The following MPPE1 variants were observed in gnomAD, a reference collection of about 807,000 sequenced individuals.
The protein encoded by MPPE1 is metallo phosphoesterase.
MPPE1 carries 28 observed loss-of-function variants against 43.8 expected under a neutral mutation model. That is an observed-to-expected ratio of 0.64 (90% CI 0.47 to 0.88). MPPE1 has a LOEUF of 0.88. Among genes scored for constraint, MPPE1 ranks in the 40% least tolerant of loss-of-function variants. MPPE1 has a pLI of 0.00. For missense variants in MPPE1, 428 were observed against 492.2 expected, an observed-to-expected ratio of 0.87 and a Z score of 1.23; for synonymous variants, 159 against 188.5, an observed-to-expected ratio of 0.84 and a Z score of 1.28.
intron 1 of MPPE1, among the ~76,000 whole-genome samples, chr18:11,906,991 T>A (rs1213475053): frequency 2.6e-5 from 4 of 152,176 alleles, no homozygotes; most frequent in Non-Finnish European, 5.9e-5. Context: ...ACCATCTGCA[T>A]GGACCCCACC....
At chr18:11,901,223 T>A (rs2143108284) in intron 2 of MPPE1, among the ~76,000 whole-genome samples, 1 of 152,044 alleles carries the variant, frequency 6.6e-6, no homozygotes, top group Non-Finnish European at 1.5e-5. Context: ...TCTTGATTTA[T>A]TTATTTATTT....
chr18:11,889,481 C>A lies in MPPE1; in HGVS notation c.400G>T (p.Asp134Tyr), dbSNP rs752631612. The A allele has an allele frequency of 6.2e-7, 1 of 1,612,346 alleles. No individual in the cohort carries two copies. The highest frequency in any genetic ancestry group is 8.5e-7 in the Non-Finnish European group (1 of 1,179,084). ...ATTTTCTGAAACCGCTCCACATCAT[C>A]CGCCCAGGCCTGAGGGAAAAAGAAT... is the stretch of plus-strand genomic sequence containing the variant. ...GKWSTPEAWADDVERFQKMFR... is the reference protein window; with the variant it reads ...GKWSTPEAWAYDVERFQKMFR... Residue 134 changes from aspartate (D) to tyrosine (Y), a missense_variant, in exon 5 of 11, where the codon GAT (aspartate) becomes TAT (tyrosine). By Grantham distance (160) the Asp-to-Tyr change is radical. Around this residue, in one of 3 missense-constraint regions of MPPE1, gnomAD observed 379 missense variants for 402.5 expected, o/e 0.94. Coordinates refer to ENST00000588072, the MANE Select transcript of MPPE1 (RefSeq NM_023075.6).
chr18:11,888,986 A>C (rs2037658684), intron 5 of MPPE1, among the ~76,000 whole-genome samples: 1 of 152,220 alleles, frequency 6.6e-6, no homozygotes. Context: ...TAGGTAAAAC[A>C]ACAGGACCAT....
At chr18:11,903,193 A>G (rs2039365801) in intron 2 of MPPE1, among the ~76,000 whole-genome samples, 1 of 152,160 alleles carries the variant, frequency 6.6e-6, no homozygotes, top group East Asian at 1.9e-4. Context: ...AGCGCCAAGG[A>G]GAGACAATCT....
intron 1 of MPPE1, among the ~76,000 whole-genome samples, chr18:11,906,772 T>C (rs1021491871): frequency 3.3e-5 from 5 of 149,420 alleles, no homozygotes; most frequent in African/African-American, 1.2e-4. Context: ...GAGAATCGCT[T>C]GAATGCGGGA....
intron 2 of MPPE1, among the ~76,000 whole-genome samples, chr18:11,900,734 C>T (rs186821128): frequency 0.034 from 5,176 of 151,388 alleles, 166 homozygotes; most frequent in African/African-American, 0.089. Context: ...GGTGAAACCC[C>T]ATCTCTACTA....
intron 2 of MPPE1, among the ~76,000 whole-genome samples, chr18:11,903,973 C>T (rs987383405): frequency 5.3e-5 from 8 of 152,310 alleles, no homozygotes; most frequent in Admixed American, 1.3e-4. Context: ...CTGCCTTATG[C>T]CCCTCAGTGG....
intron 3 of MPPE1, 90 bp downstream of exon 3, chr18:11,896,894 T>G: frequency 8.6e-7 from 1 of 1,168,458 alleles, no homozygotes. Flanking sequence ...TAACTAAGAG[T>G]AACCTAAAGC....
At position 11,893,625 on chromosome 18, in the gene MPPE1, A is replaced by C. The variant is rs144361932; in HGVS notation, c.282-49T>G. 4.7e-5 allele frequency: 69 copies of C among 1,461,612 alleles called. No homozygotes were observed. The East Asian group carries it at 1.5e-3, about 33-fold the overall frequency. The allele number at this position is 1,461,612 out of a possible 1,614,324, so 90.5% of individuals were successfully genotyped here. On this transcript the variant is annotated intron_variant, in intron 3 of 10. Transcript: ENST00000588072. ...AGGCATCAGTCTCTTTCCTAGGTGG[A>C]GGCTACTTCTGTATTATGCACCATT...
At chr18:11,903,752 A>G (rs560851065) in intron 2 of MPPE1, among the ~76,000 whole-genome samples, 23 of 152,214 alleles carry the variant, frequency 1.5e-4, no homozygotes, top group African/African-American at 2.6e-4. Flanking sequence ...CTTGCAGTGA[A>G]CCGAGATCGC....
Position 11,889,587 on chromosome 18 carries a change from C to T in MPPE1, c.391-97G>A, listed in dbSNP as rs912362305. 3.3e-4 allele frequency: 276 copies of T among 842,158 alleles called. 1 individual carries two copies. Among genetic ancestry groups the T allele is most frequent in the Non-Finnish European group, 6.4e-5 (35 of 545,782 alleles). The allele number at this position is 842,158 out of a possible 1,614,324, so 52.2% of individuals were successfully genotyped here. ...TATTTTGTTTTGCTTTTTTTTGAGA[C>T]GAGTCTGGCTCTGTCTCCAGGCTGA... On this transcript the variant is annotated intron_variant, in intron 4 of 10. Coordinates refer to ENST00000588072, the MANE Select transcript of MPPE1 (RefSeq NM_023075.6).
At position 11,900,709 on chromosome 18, in the gene MPPE1, C is replaced by T. The variant is rs139437679; in HGVS notation, c.-92-3353G>A. 5.0e-3 allele frequency among the ~76,000 whole-genome samples: 763 copies of T among 151,848 alleles called. 3 individuals are homozygous for T. The highest frequency in any genetic ancestry group is 0.019 in the East Asian group (97 of 5,148). On this transcript the variant is annotated intron_variant, in intron 2 of 10. Coordinates refer to ENST00000588072, the MANE Select transcript of MPPE1 (RefSeq NM_023075.6). ...GATCACGAGGTCAGGAGATCGAGAC[C>T]ATCCTGGCTAACACGGTGAAACCCC...
rs640519 is a variant in MPPE1, at chr18:11,882,677, C to T, written c.*1768G>A. On this transcript the variant is annotated 3_prime_UTR_variant, in exon 11 of 11. Transcript: ENST00000588072. ...CTCCAGCCTGGACATCAAAGTGAGA[C>T]TCAGGCCAAAAAAAAAAAAAAAAAA... 1 of 136,096 alleles carries T rather than the reference C, an allele frequency of 7.3e-6. No homozygotes were observed. The highest frequency in any genetic ancestry group is 2.9e-5 in the African/African-American group (1 of 34,922). The allele number at this position is 136,096 out of a possible 1,614,324, so 8.4% of individuals were successfully genotyped here.
In MPPE1 at chr18:11,905,165, A is replaced by T. The variant is rs559850729; in HGVS notation, c.-93+1038T>A. On this transcript the variant is annotated intron_variant, in intron 2 of 10. Coordinates refer to ENST00000588072, the MANE Select transcript of MPPE1 (RefSeq NM_023075.6). ...CTACTAAAAATACAAAAATTAGCCT[A>T]GTGTAGTAGTGCACACCTGTAATCC... 32 of 151,900 alleles carry T rather than the reference A, an allele frequency of 2.1e-4. 1 individual carries two copies. Among genetic ancestry groups the T allele is most frequent in the African/African-American group, 7.7e-4 (32 of 41,432 alleles). 9.4% of individuals were successfully genotyped at this position (151,900 alleles called of 1,614,324 possible). A position where few individuals can be genotyped will look rare whatever the true frequency, so the allele number is the denominator to read the frequency against.
chr18:11,896,095 CTTTTTTT>C (rs1178920790), intron 3 of MPPE1, among the ~76,000 whole-genome samples: 2,979 of 80,500 alleles, frequency 0.037, 73 homozygotes, highest in East Asian at 0.12. Flanking sequence ...ATTCTTTATT[CTTTTTTT>C]TTTTTTTTTT....
At position 11,886,021 on chromosome 18, in the gene MPPE1, C is replaced by T. The variant is rs2037180446; in HGVS notation, c.868-205G>A. 2.5e-6 allele frequency: 1 copy of T among 393,692 alleles called. No homozygotes were observed. Among genetic ancestry groups the T allele is most frequent in the African/African-American group, 2.1e-5 (1 of 48,584 alleles). 24.4% of individuals were successfully genotyped at this position (393,692 alleles called of 1,614,324 possible). ...AAAGGTAAGGTCAGCCCTTTGTTCT[C>T]ATCCCAGATTTTATATACTTTTTAC... On this transcript the variant is annotated intron_variant, in intron 9 of 10. Transcript: ENST00000588072. This position sits in a 1 kb window ranked among gnomAD's most constrained non-coding sequence, Gnocchi z 4.1.
chr18:11,885,960 T>C (rs1252162393), intron 9 of MPPE1, 144 bp from the exon 10 acceptor site: 1 of 850,714 alleles, frequency 1.2e-6, no homozygotes, highest in Non-Finnish European at 1.6e-6. Context: ...GTTTATTTTT[T>C]TCCTTAAAAA....
At chr18:11,897,675 A>G (rs2038739125) in intron 2 of MPPE1, 1 of 158,760 alleles carries the variant, frequency 6.3e-6, no homozygotes, top group Non-Finnish European at 1.4e-5. Context: ...GGTAGGAGAC[A>G]TAATGGGAAA....
Position 11,884,605 on chromosome 18 carries a change from T to C in MPPE1, c.1031A>G (p.Tyr344Cys). Residue 344 changes from tyrosine to cysteine, a missense_variant, in exon 11 of 11, where the codon TAC becomes TGC. Tyr to Cys is a radical substitution (Grantham distance 194). Around this residue, in one of 3 missense-constraint regions of MPPE1, gnomAD observed 379 missense variants for 402.5 expected, o/e 0.94. Coordinates refer to ENST00000588072, the MANE Select transcript of MPPE1 (RefSeq NM_023075.6). The stretch of plus-strand genomic sequence containing the variant: ...TGGGAGGTAGCACTTGGAGAGGGTG[T>C]AGTCTGTGGGCGTGATGCTACCCTG... ...FIMGSITPTD[Y>C]TLSKCYLPRE... The C allele has an allele frequency of 2.5e-6, 4 of 1,613,674 alleles. No individual in the cohort carries two copies. The highest frequency in any genetic ancestry group is 1.7e-5 in the Admixed American group (1 of 60,002).
Sources: gnomAD v4.1 joint callset for allele counts (sites outside exome capture counted in the v4.1 genomes callset) on GRCh38, gnomAD v4.1.1 for gene constraint, gnomAD v4.1.1 regional missense constraint, Gnocchi (gnomAD v3.1) non-coding constraint, MANE v1.5 for transcripts, NCBI Gene and HGNC (gene_info 2026-07-23, HGNC 2026-07-21) for gene names.